The following PDE4D variants were observed in gnomAD, a reference collection of about 807,000 sequenced individuals.
PDE4D encodes 3',5'-cyclic-AMP phosphodiesterase 4D.
PDE4D carries 24 observed loss-of-function variants against 87.4 expected under a neutral mutation model. The ratio of observed to expected loss-of-function variants is 0.27; its 90% CI spans 0.20 to 0.39. The LOEUF (loss-of-function observed/expected upper bound fraction) is 0.39. PDE4D is among the 10% of genes least tolerant of loss of function. The pLI is 1.00. For missense variants in PDE4D, 714 were observed against 1,041.0 expected (o/e 0.69, Z 4.32); for synonymous variants, 384 against 383.2 (o/e 1.00, Z -0.02).
intron 5 of PDE4D, among the ~76,000 whole-genome samples, chr5:59,083,213 A>G (rs1767077327): frequency 6.6e-6 from 1 of 152,038 alleles, no homozygotes; most frequent in Non-Finnish European, 1.5e-5. Flanking sequence ...AATCTTGCTG[A>G]TGAGAAGTTT....
At chr5:59,310,782 CAGGA>C (rs1772428914) in intron 1 of PDE4D, among the ~76,000 whole-genome samples, 1 of 152,130 alleles carries the variant, frequency 6.6e-6, no homozygotes, top group Non-Finnish European at 1.5e-5. Context: ...CATGCTTCCC[CAGGA>C]ATCCACAGGA....
intron 2 of PDE4D, among the ~76,000 whole-genome samples, chr5:60,173,164 G>T (rs1783619638): frequency 6.6e-6 from 1 of 152,044 alleles, no homozygotes; most frequent in East Asian, 1.9e-4. Flanking sequence ...AGTTACATTT[G>T]TGTGGCTCCA....
intron 1 of PDE4D, among the ~76,000 whole-genome samples, chr5:59,466,827 T>C (rs1208983207): frequency 1.3e-5 from 2 of 152,148 alleles, no homozygotes; most frequent in African/African-American, 2.4e-5. Context: ...CAGAGAATAA[T>C]GAAGTGAGAA....
chr5:59,345,477 ACT>A (rs540821954), intron 1 of PDE4D, among the ~76,000 whole-genome samples: 43 of 152,144 alleles, frequency 2.8e-4, no homozygotes, highest in African/African-American at 9.9e-4. Flanking sequence ...AACAGGGAAA[ACT>A]CTATTTCTGC....
intron 1 of PDE4D, among the ~76,000 whole-genome samples, chr5:60,345,586 CATT>C (rs1023670805): frequency 6.8e-6 from 1 of 148,088 alleles, no homozygotes; most frequent in African/African-American, 2.5e-5. Context: ...AAAAAATTAA[CATT>C]ATATTGAAAG....
At chr5:59,651,394 A>G (rs1743480118) in intron 1 of PDE4D, among the ~76,000 whole-genome samples, 1 of 151,520 alleles carries the variant, frequency 6.6e-6, no homozygotes, top group South Asian at 2.1e-4. Context: ...CTTTTATGTC[A>G]TATTTAGTGC....
chr5:60,506,301 A>G (rs187188548), intron 1 of PDE4D, among the ~76,000 whole-genome samples: 21 of 152,354 alleles, frequency 1.4e-4, no homozygotes, highest in African/African-American at 5.0e-4. Flanking sequence ...ACTCATTCTC[A>G]TGCATACCCT....
intron 1 of PDE4D, among the ~76,000 whole-genome samples, chr5:59,536,272 G>A (rs1293074633): frequency 2.0e-5 from 3 of 151,926 alleles, no homozygotes; most frequent in South Asian, 2.1e-4. Context: ...TTGGGAGGCC[G>A]AGATGGGTGA....
At chr5:60,180,734 T>G (rs1240249788) in intron 2 of PDE4D, among the ~76,000 whole-genome samples, 2 of 152,118 alleles carry the variant, frequency 1.3e-5, no homozygotes, top group East Asian at 3.9e-4. Context: ...GAGTGAAATC[T>G]CTAAAACTAC....
At position 59,487,795 on chromosome 5, in the gene PDE4D, A is replaced by C. The variant is rs955435188; in HGVS notation, c.456-271827T>G. Among the ~76,000 whole-genome samples, 5 of 152,194 alleles carry C rather than the reference A, an allele frequency of 3.3e-5. No individual in the cohort carries two copies. The South Asian group carries it at 8.3e-4, about 25-fold the overall frequency. ...TGAAATCTGGTGAGTTACAGACGTT[A>C]GGAGGAGAAATAGCTCCCTTCTAGC... On this transcript the variant is annotated intron_variant, in intron 1 of 14. Coordinates refer to ENST00000340635, the MANE Select transcript of PDE4D (RefSeq NM_001104631.2).
chr5:60,406,885 G>C (rs951161083), intron 1 of PDE4D, among the ~76,000 whole-genome samples: 1 of 152,132 alleles, frequency 6.6e-6, no homozygotes, highest in African/African-American at 2.4e-5. Flanking sequence ...GTAAAAATGA[G>C]TGTGGGGAGT....
chr5:59,913,158 A>G (rs1753635667), intron 3 of PDE4D, among the ~76,000 whole-genome samples: 1 of 152,190 alleles, frequency 6.6e-6, no homozygotes, highest in Non-Finnish European at 1.5e-5. Context: ...GGAATATTTC[A>G]TTTTTTCTTA....
At chr5:60,512,231 T>C (rs759557408) in intron 1 of PDE4D, among the ~76,000 whole-genome samples, 2 of 152,238 alleles carry the variant, frequency 1.3e-5, no homozygotes, top group African/African-American at 2.4e-5. Flanking sequence ...TATGCATATA[T>C]GCTTTTTGCA....
At chr5:60,450,680 T>G (rs1342636296) in intron 1 of PDE4D, among the ~76,000 whole-genome samples, 1 of 152,104 alleles carries the variant, frequency 6.6e-6, no homozygotes, top group African/African-American at 2.4e-5. Context: ...ACTTCTTCTA[T>G]CTCCCATGAC....
At chr5:59,462,903 TA>T (rs200024265) in intron 1 of PDE4D, among the ~76,000 whole-genome samples, 34 of 146,868 alleles carry the variant, frequency 2.3e-4, no homozygotes, top group African/African-American at 4.4e-4. Flanking sequence ...AAGTTAATTG[TA>T]AAAAAAAAAA....
At chr5:60,362,746 C>A (rs1438593326) in intron 1 of PDE4D, among the ~76,000 whole-genome samples, 1 of 151,852 alleles carries the variant, frequency 6.6e-6, no homozygotes, top group Non-Finnish European at 1.5e-5. Flanking sequence ...GTAGTCCCAG[C>A]TACTCAGGAG....
chr5:59,049,322 G>A (rs73761116), intron 5 of PDE4D, among the ~76,000 whole-genome samples: 1,684 of 152,232 alleles, frequency 0.011, 27 homozygotes, highest in African/African-American at 0.038. Context: ...ATTTCCAAAC[G>A]AGATTCAAAC....
intron 1 of PDE4D, among the ~76,000 whole-genome samples, chr5:59,262,622 G>T (rs1429279352): frequency 2.6e-5 from 4 of 151,852 alleles, no homozygotes; most frequent in Non-Finnish European, 5.9e-5. Context: ...GGACAAGCTT[G>T]TCACTTTGGT....
intron 2 of PDE4D, among the ~76,000 whole-genome samples, chr5:60,072,908 T>A (rs1772879644): frequency 6.6e-6 from 1 of 152,292 alleles, no homozygotes; most frequent in South Asian, 2.1e-4. Context: ...TGTAGAATAG[T>A]TTGAAATCAG....
Sources: gnomAD v4.1 joint callset for allele counts (sites outside exome capture counted in the v4.1 genomes callset) on GRCh38, gnomAD v4.1.1 for gene constraint, MANE v1.5 for transcripts, NCBI Gene and HGNC (gene_info 2026-07-23, HGNC 2026-07-21) for gene names.